TDP2: variants seen among roughly 807,000 people sequenced by gnomAD.
The protein encoded by TDP2 is tyrosyl-DNA phosphodiesterase 2.
In TDP2, 38 loss-of-function variants were observed where a neutral mutation model predicts 42.8. The observed-to-expected ratio is 0.89, with a 90% CI of 0.68 to 1.16. TDP2 has a LOEUF of 1.16. Among genes scored for constraint, TDP2 ranks in the 50% most tolerant of loss-of-function variants. The pLI is 0.00. For synonymous variants in TDP2, 173 were observed against 150.6 expected (o/e 1.15, Z -1.09); for missense variants, 439 against 439.3 (o/e 1.00, Z 0.01).
intron 4 of TDP2, among the ~76,000 whole-genome samples, chr6:24,655,024 G>T (rs1159284686): frequency 1.3e-5 from 2 of 151,918 alleles, no homozygotes; most frequent in Non-Finnish European, 2.9e-5. Context: ...GGCAACAATA[G>T]TGAAATTCCG....
chr6:24,658,039 C>T (rs1778084935), intron 3 of TDP2, 136 bp from the exon 4 acceptor site: 1 of 541,756 alleles, frequency 1.8e-6, no homozygotes, highest in African/African-American at 2.0e-5. Context: ...TTATGCTGAT[C>T]TTTGATAACT....
chr6:24,662,222 C>G (rs1424606270), intron 2 of TDP2, among the ~76,000 whole-genome samples: 1 of 151,984 alleles, frequency 6.6e-6, no homozygotes, highest in African/African-American at 2.4e-5. Context: ...GACCGTCCCC[C>G]AGCCCGACAC....
At chr6:24,658,881 T>C in intron 2 of TDP2, 147 bp from the exon 3 acceptor site, 1 of 741,964 alleles carries the variant, frequency 1.3e-6, no homozygotes, top group Non-Finnish European at 2.2e-6. Context: ...AAGAATTGCA[T>C]GCCAGGTTCT....
At chr6:24,666,242 G>C (rs1397945796) in intron 2 of TDP2, 5 of 1,544,468 alleles carry the variant, frequency 3.2e-6, no homozygotes, top group East Asian at 4.9e-5. Context: ...CAAACCTCTC[G>C]CTTACTTATT....
At chr6:24,665,935 G>C in intron 2 of TDP2, 4 of 662,752 alleles carry the variant, frequency 6.0e-6, no homozygotes, top group Non-Finnish European at 8.8e-6. Context: ...AGGAGAAAAT[G>C]ACCCGTTGGA....
In TDP2 at chr6:24,666,554, G is replaced by A. The variant is rs1474863338; in HGVS notation, c.223C>T (p.Pro75Ser). 7 of 1,614,022 alleles carry A rather than the reference G, an allele frequency of 4.3e-6. No homozygotes were observed. The highest frequency in any genetic ancestry group is 1.3e-5 in the African/African-American group (1 of 74,942). The change falls in exon 2 of 7, where the codon CCT (proline) becomes TCT (serine). Residue 75 changes from proline (P) to serine (S), a missense_variant. Coordinates refer to ENST00000378198, the MANE Select transcript of TDP2 (RefSeq NM_016614.3). The stretch of plus-strand genomic sequence containing the variant: ...GTCTTGGGCTCAGAGATGGTTTCAG[G>A]TCGGCGTTCCAAGGCGCTCTCCTCC... ...PVEESALERRPETISEPKTYV... is the reference protein window; with the variant it reads ...PVEESALERRSETISEPKTYV...
At position 24,666,701 on chromosome 6, in the gene TDP2, C is replaced by T. The variant is rs1225690968; in HGVS notation, c.162G>A (p.Met54Ile). The change falls in exon 1 of 7, where the codon ATG becomes ATA. Residue 54 changes from methionine (M) to isoleucine (I), a missense_variant. Physicochemically the swap from Met to Ile is conservative, Grantham distance 10. Coordinates refer to ENST00000378198, the MANE Select transcript of TDP2 (RefSeq NM_016614.3). Reference protein sequence around the residue: ...QCFLAENDWEMERALNSYFEP... With the variant: ...QCFLAENDWEIERALNSYFEP... ...AGCGAGGACAGCGAAAGCGTACTTC[C>T]ATCTCCCAGTCGTTCTCGGCCAGGA... 1.2e-6 allele frequency: 2 copies of T among 1,614,260 alleles called. No individual in the cohort carries two copies. The highest frequency in any genetic ancestry group is 1.7e-6 in the Non-Finnish European group (2 of 1,180,040).
chr6:24,656,163 T>C (rs1277252011), intron 4 of TDP2, among the ~76,000 whole-genome samples: 1 of 151,794 alleles, frequency 6.6e-6, no homozygotes, highest in Non-Finnish European at 1.5e-5. Context: ...AGATACTGTA[T>C]CCATAAACCA....
chr6:24,661,721 T>TA (rs17243234), intron 2 of TDP2, among the ~76,000 whole-genome samples: 6 of 151,278 alleles, frequency 4.0e-5, no homozygotes, highest in African/African-American at 1.2e-4. Flanking sequence ...TTCAAGAGCA[T>TA]AAAAAAAAAG....
chr6:24,659,236 T>C (rs1255492326), intron 2 of TDP2: 1 of 152,256 alleles, frequency 6.6e-6, no homozygotes, highest in Non-Finnish European at 1.5e-5. Context: ...CCTCTTTAAG[T>C]CTCAAGCTCC....
At chr6:24,661,800 T>C (rs1778153297) in intron 2 of TDP2, among the ~76,000 whole-genome samples, 1 of 141,372 alleles carries the variant, frequency 7.1e-6, no homozygotes. Flanking sequence ...GCTATTAGAC[T>C]TTTTTTCAAC....
chr6:24,652,681 TA>T (rs1777993396), intron 6 of TDP2, among the ~76,000 whole-genome samples: 1 of 152,180 alleles, frequency 6.6e-6, no homozygotes, highest in Non-Finnish European at 1.5e-5. Context: ...CAACCTTTTC[TA>T]AACTCTTCTA....
At chr6:24,666,228 G>C (rs2127619341) in intron 2 of TDP2, 1 of 1,546,778 alleles carries the variant, frequency 6.5e-7, no homozygotes, top group East Asian at 2.4e-5. Flanking sequence ...TCGTTCATTT[G>C]TTTCAAACCT....
rs148937075 is a variant in TDP2 at position 24,650,581 on chromosome 6, T to C, written c.*207A>G. 7 of 567,254 alleles carry C rather than the reference T, an allele frequency of 1.2e-5. No homozygotes were observed. In the East Asian group the frequency reaches 1.8e-4, roughly 15 times the overall value. The allele number at this position is 567,254 out of a possible 1,614,324, so 35.1% of individuals were successfully genotyped here. A position where few individuals can be genotyped will look rare whatever the true frequency, so the allele number is the denominator to read the frequency against. On this transcript the variant is annotated 3_prime_UTR_variant, in exon 7 of 7. Coordinates refer to ENST00000378198, the MANE Select transcript of TDP2 (RefSeq NM_016614.3). ...CAGGCTTTGTGCCCTTTTTATTAAATGGCCTCACATCCTGAATGCAGGAAT... is the reference window on the plus strand; with the variant it reads ...CAGGCTTTGTGCCCTTTTTATTAAACGGCCTCACATCCTGAATGCAGGAAT...
At chr6:24,652,738 T>TATAC (rs905195365) in intron 6 of TDP2, among the ~76,000 whole-genome samples, 2 of 151,968 alleles carry the variant, frequency 1.3e-5, no homozygotes, top group Non-Finnish European at 2.9e-5. Context: ...TATATATATA[T>TATAC]ACACACACAC....
At chr6:24,666,655 G>C (rs1435801837) in intron 1 of TDP2, 43 bp downstream of exon 1, 1 of 1,614,018 alleles carries the variant, frequency 6.2e-7, no homozygotes, top group East Asian at 2.2e-5. Context: ...GCGCTCCACC[G>C]ACCTAGGTAA....
intron 2 of TDP2, 59 bp downstream of exon 2, chr6:24,666,467 G>T: frequency 6.4e-7 from 1 of 1,559,874 alleles, no homozygotes; most frequent in Non-Finnish European, 8.8e-7. Context: ...GGACGCGCAG[G>T]GCTACCTGGT....
At chr6:24,658,163 T>C (rs1778086074) in intron 3 of TDP2, among the ~76,000 whole-genome samples, 1 of 152,212 alleles carries the variant, frequency 6.6e-6, no homozygotes, top group Admixed American at 6.5e-5. Flanking sequence ...TCAATGGTCC[T>C]ACACACTAAG....
chr6:24,655,715 C>T (rs1778051706), intron 4 of TDP2, among the ~76,000 whole-genome samples: 1 of 152,184 alleles, frequency 6.6e-6, no homozygotes, highest in Non-Finnish European at 1.5e-5. Flanking sequence ...ACTCAGCTCC[C>T]TTCCCCTCAC....
Sources: gnomAD v4.1 joint callset for allele counts (sites outside exome capture counted in the v4.1 genomes callset) on GRCh38, gnomAD v4.1.1 for gene constraint, MANE v1.5 for transcripts, NCBI Gene and HGNC (gene_info 2026-07-23, HGNC 2026-07-21) for gene names.